Variants in TET2 observed in about 807,000 individuals in gnomAD.
TET2 encodes tet methylcytosine dioxygenase 2, also known as methylcytosine dioxygenase TET2.
Under a neutral mutation model 142.9 loss-of-function variants are expected in TET2, and 299 were observed. That is an observed-to-expected ratio of 2.09 (90% CI 1.90 to 2.30). TET2 has a LOEUF of 2.30. Among genes scored for constraint, TET2 ranks in the 30% most tolerant of loss-of-function variants. The pLI, the probability that TET2 is intolerant of heterozygous loss-of-function variation, is 0.00. For missense variants in TET2, 2,418 were observed against 2,378.0 expected (o/e 1.02, Z -0.35); for synonymous variants, 819 against 849.0 (o/e 0.96, Z 0.61).
At chr4:105,238,976 G>A (rs56185013) in intron 3 of TET2, 44,047 of 241,266 alleles carry the variant, frequency 0.18, 4,517 homozygotes, top group Middle Eastern at 0.23. Context: ...TAACAGGCAC[G>A]AAAACAGCAT....
chr4:105,201,641 A>G (rs1196464879), intron 2 of TET2, among the ~76,000 whole-genome samples: 1 of 151,490 alleles, frequency 6.6e-6, no homozygotes, highest in Non-Finnish European at 1.5e-5. Context: ...CAAAGTATAA[A>G]GTAATAGAAG....
At chr4:105,178,196 A>G (rs1451945358) in intron 1 of TET2, 1 of 152,240 alleles carries the variant, frequency 6.6e-6, no homozygotes, top group Non-Finnish European at 1.5e-5. Context: ...GGTGCAATCA[A>G]GATATCCTTT....
intron 4 of TET2, chr4:105,241,793 G>A: frequency 8.0e-7 from 1 of 1,250,736 alleles, no homozygotes; most frequent in Non-Finnish European, 1.0e-6. Context: ...AGAAAGACTG[G>A]TAAAGTGTGG....
chr4:105,242,925 TG>T lies in TET2; in HGVS notation c.3594+1del. 2 of 1,549,942 alleles carry T rather than the reference TG, an allele frequency of 1.3e-6. No homozygotes were observed. ...KSSQGCPIAKWVVRRSSSEEK... is the reference protein window; with the variant it reads ...KSSQGCPIAKXVVRRSSSEEK... ...TTCTCAGGGATGTCCTATTGCTAAG[TG>T]GGTAAGTGTGACTTGATAAAGCCTT... On this transcript the variant is annotated frameshift_variant and splice_region_variant, in exon 5 of 11. Transcript: ENST00000380013. LOFTEE classifies it high-confidence loss of function.
At chr4:105,195,598 G>T (rs977142211) in intron 2 of TET2, among the ~76,000 whole-genome samples, 2 of 152,112 alleles carry the variant, frequency 1.3e-5, no homozygotes, top group East Asian at 1.9e-4. Flanking sequence ...ATCATCTCTC[G>T]ATTATTTATA....
At chr4:105,247,992 G>A (rs978286466) in intron 6 of TET2, among the ~76,000 whole-genome samples, 1 of 152,062 alleles carries the variant, frequency 6.6e-6, no homozygotes, top group Non-Finnish European at 1.5e-5. Flanking sequence ...AAAGTGCTGG[G>A]ATTACAGGCA....
intron 6 of TET2, among the ~76,000 whole-genome samples, chr4:105,245,020 C>T (rs1186792856): frequency 1.3e-5 from 2 of 152,352 alleles, no homozygotes; most frequent in East Asian, 1.9e-4. Context: ...AAGAAATGCT[C>T]ATACTGCTCA....
chr4:105,183,474 G>A (rs2110458644), intron 1 of TET2, among the ~76,000 whole-genome samples: 1 of 151,914 alleles, frequency 6.6e-6, no homozygotes, highest in African/African-American at 2.4e-5. Context: ...AAATTCGATA[G>A]TATCTAAATC....
intron 2 of TET2, among the ~76,000 whole-genome samples, chr4:105,228,200 T>C (rs564837178): frequency 1.8e-4 from 27 of 152,178 alleles, no homozygotes; most frequent in African/African-American, 6.3e-4. Flanking sequence ...ATATTGCATT[T>C]TTCTCCTTCT....
At chr4:105,172,906 T>C (rs956090892) in intron 1 of TET2, among the ~76,000 whole-genome samples, 2 of 152,156 alleles carry the variant, frequency 1.3e-5, no homozygotes, top group Admixed American at 1.3e-4. Flanking sequence ...GGTAATGAAA[T>C]TGATATGGGC....
rs1443073289 is a variant in TET2 at position 105,241,590 on chromosome 4, A to G, written c.3500+161A>G. 2.2e-6 allele frequency: 3 copies of G among 1,369,052 alleles called. No homozygotes were observed. In the African/African-American group the frequency reaches 4.4e-5, roughly 20 times the overall value. The allele number at this position is 1,369,052 out of a possible 1,614,324, so 84.8% of individuals were successfully genotyped here. On this transcript the variant is annotated intron_variant, in intron 4 of 10. Coordinates refer to ENST00000380013, the MANE Select transcript of TET2 (RefSeq NM_001127208.3). ...GCCAACACTACACACTGTGCTATTC[A>G]CCAGAGAGTCACAATATTTGACAGG... is the stretch of plus-strand genomic sequence containing the variant.
chr4:105,269,905 T>C (rs1730871046), intron 9 of TET2, among the ~76,000 whole-genome samples, 158 bp downstream of exon 9: 1 of 152,172 alleles, frequency 6.6e-6, no homozygotes, highest in Non-Finnish European at 1.5e-5. Context: ...TGAAGGCAAA[T>C]GAGGAGCAAA....
chr4:105,252,735 C>G (rs557431869), intron 6 of TET2, among the ~76,000 whole-genome samples: 2 of 152,162 alleles, frequency 1.3e-5, no homozygotes, highest in Non-Finnish European at 2.9e-5. Flanking sequence ...TCTATATGTT[C>G]TGTGTTATCT....
chr4:105,173,350 T>A (rs569441789), intron 1 of TET2, among the ~76,000 whole-genome samples: 183 of 142,796 alleles, frequency 1.3e-3, no homozygotes, highest in African/African-American at 4.5e-3. Flanking sequence ...AAAACCCGTC[T>A]CTACTAAAAA....
intron 1 of TET2, among the ~76,000 whole-genome samples, chr4:105,167,455 G>A (rs1381356420): frequency 6.6e-6 from 1 of 151,968 alleles, no homozygotes; most frequent in African/African-American, 2.4e-5. Flanking sequence ...GTATATGTGT[G>A]TATGTATGTA....
At chr4:105,265,073 CAA>C (rs1730620606) in intron 8 of TET2, among the ~76,000 whole-genome samples, 1 of 152,164 alleles carries the variant, frequency 6.6e-6, no homozygotes, top group Non-Finnish European at 1.5e-5. Flanking sequence ...GCCTGCCTTA[CAA>C]TTTAACAGTA....
intron 2 of TET2, among the ~76,000 whole-genome samples, chr4:105,231,280 G>T (rs1300980277): frequency 6.6e-6 from 1 of 152,030 alleles, no homozygotes; most frequent in African/African-American, 2.4e-5. Flanking sequence ...AGTACTTTTA[G>T]TAAGAGTATA....
At chr4:105,172,179 A>G (rs536660268) in intron 1 of TET2, among the ~76,000 whole-genome samples, 13 of 152,276 alleles carry the variant, frequency 8.5e-5, no homozygotes, top group Middle Eastern at 6.8e-3. Flanking sequence ...CTTGAATAAC[A>G]TGGAGGTTAA....
intron 1 of TET2, among the ~76,000 whole-genome samples, chr4:105,149,649 G>A (rs1432742046): frequency 1.3e-5 from 2 of 152,146 alleles, no homozygotes; most frequent in East Asian, 1.9e-4. Context: ...TCTTAACTAT[G>A]ACATTGTTTT....
Sources: gnomAD v4.1 joint callset for allele counts (sites outside exome capture counted in the v4.1 genomes callset) on GRCh38, gnomAD v4.1.1 for gene constraint, MANE v1.5 for transcripts, NCBI Gene and HGNC (gene_info 2026-07-23, HGNC 2026-07-21) for gene names.